Variants in DIAPH3 observed in about 807,000 individuals in gnomAD.
DIAPH3 encodes diaphanous related formin 3.
DIAPH3 carries 117 observed loss-of-function variants against 144.3 expected under a neutral mutation model. The observed-to-expected ratio is 0.81, with a 90% CI of 0.70 to 0.95. The LOEUF is 0.95. Ranked by LOEUF, DIAPH3 falls within the 40% of genes least tolerant of loss-of-function variation. The pLI is 0.00. For missense variants in DIAPH3, 1,421 were observed against 1,412.7 expected, an observed-to-expected ratio of 1.01 and a Z score of -0.09; for synonymous variants, 519 against 488.9, an observed-to-expected ratio of 1.06 and a Z score of -0.81.
intron 27 of DIAPH3, among the ~76,000 whole-genome samples, chr13:59,768,619 T>C (rs908520401): frequency 1.3e-5 from 2 of 152,092 alleles, no homozygotes; most frequent in Non-Finnish European, 2.9e-5. Context: ...TTTTGATATA[T>C]CAACAACAAA....
chr13:59,787,289 C>T (rs139056815), intron 25 of DIAPH3, among the ~76,000 whole-genome samples: 1 of 152,198 alleles, frequency 6.6e-6, no homozygotes, highest in African/African-American at 2.4e-5. Context: ...AAATAAATTC[C>T]AAGTGGATCA....
intron 1 of DIAPH3, among the ~76,000 whole-genome samples, chr13:60,146,707 A>G (rs1951539921): frequency 6.6e-6 from 1 of 152,218 alleles, no homozygotes; most frequent in Non-Finnish European, 1.5e-5. Flanking sequence ...AACAATGCCA[A>G]AGGAGACTTC....
intron 27 of DIAPH3, among the ~76,000 whole-genome samples, chr13:59,767,828 T>A (rs2139235113): frequency 6.6e-6 from 1 of 152,358 alleles, no homozygotes; most frequent in South Asian, 2.1e-4. Flanking sequence ...ACATTTGCTA[T>A]TTCTTGCATA....
chr13:59,837,670 C>T (rs1488803854), intron 23 of DIAPH3: 1 of 150,230 alleles, frequency 6.7e-6, no homozygotes, highest in Non-Finnish European at 1.5e-5. Context: ...AATGATGAAA[C>T]ATATAACTGC....
At chr13:59,987,748 G>T (rs1242020973) in intron 12 of DIAPH3, among the ~76,000 whole-genome samples, 3 of 150,472 alleles carry the variant, frequency 2.0e-5, no homozygotes, top group African/African-American at 4.9e-5. Context: ...TATGAAAAAT[G>T]ATGTCACTCA....
At chr13:59,861,305 C>T in intron 22 of DIAPH3, 102 bp downstream of exon 22, 1 of 1,593,106 alleles carries the variant, frequency 6.3e-7, no homozygotes. Context: ...GGTATGAAAA[C>T]ACTGTGAGAA....
chr13:59,922,737 G>A (rs761637526), intron 18 of DIAPH3, among the ~76,000 whole-genome samples: 22 of 151,816 alleles, frequency 1.4e-4, no homozygotes, highest in Admixed American at 6.6e-4. Flanking sequence ...AATATGACAT[G>A]GTATAAATTC....
intron 20 of DIAPH3, among the ~76,000 whole-genome samples, chr13:59,895,445 A>G (rs964595379): frequency 1.7e-4 from 20 of 115,816 alleles, no homozygotes; most frequent in Non-Finnish European, 3.2e-4. Flanking sequence ...AAAAAAAAAC[A>G]AAAAAAAAAC....
At chr13:59,817,041 TA>T (rs1426604411) in intron 24 of DIAPH3, among the ~76,000 whole-genome samples, 1 of 151,848 alleles carries the variant, frequency 6.6e-6, no homozygotes, top group African/African-American at 2.4e-5. Context: ...TTCATCCTTT[TA>T]ATTTTATTTC....
chr13:60,041,577 T>C (rs745919309), intron 5 of DIAPH3, among the ~76,000 whole-genome samples: 6 of 152,172 alleles, frequency 3.9e-5, no homozygotes, highest in Non-Finnish European at 7.4e-5. Flanking sequence ...CTGCATACTA[T>C]ATCCTAGCCA....
At chr13:59,915,604 G>A (rs558130318) in intron 19 of DIAPH3, among the ~76,000 whole-genome samples, 1 of 151,990 alleles carries the variant, frequency 6.6e-6, no homozygotes, top group South Asian at 2.1e-4. Context: ...CAATAACTTC[G>A]ACATGATGCT....
chr13:59,817,709 T>C (rs1419019767), intron 24 of DIAPH3, among the ~76,000 whole-genome samples: 1 of 151,976 alleles, frequency 6.6e-6, no homozygotes, highest in Non-Finnish European at 1.5e-5. Context: ...CTGATTTTTT[T>C]TGGTGTATCC....
intron 27 of DIAPH3, among the ~76,000 whole-genome samples, chr13:59,740,924 G>A (rs1293261790): frequency 6.6e-6 from 1 of 152,188 alleles, no homozygotes; most frequent in African/African-American, 2.4e-5. Flanking sequence ...AACAGCTCAA[G>A]GAATCTATGC....
intron 17 of DIAPH3, among the ~76,000 whole-genome samples, chr13:59,954,304 G>A (rs186100436): frequency 6.6e-6 from 1 of 152,004 alleles, no homozygotes; most frequent in Admixed American, 6.6e-5. Context: ...CCATCCCTGG[G>A]GTTATTATGC....
intron 20 of DIAPH3, among the ~76,000 whole-genome samples, chr13:59,883,314 C>T (rs1348974885): frequency 6.6e-6 from 1 of 152,150 alleles, no homozygotes; most frequent in African/African-American, 2.4e-5. Context: ...TCATTTTTTA[C>T]ATCAACTTTG....
At chr13:60,028,843 A>C (rs1473529847) in intron 5 of DIAPH3, among the ~76,000 whole-genome samples, 2 of 151,998 alleles carry the variant, frequency 1.3e-5, no homozygotes, top group Non-Finnish European at 2.9e-5. Flanking sequence ...GGCGGATCAC[A>C]AGGTCAGGAG....
At chr13:60,024,166 T>G (rs1319438587) in intron 5 of DIAPH3, among the ~76,000 whole-genome samples, 1 of 152,170 alleles carries the variant, frequency 6.6e-6, no homozygotes, top group Non-Finnish European at 1.5e-5. Context: ...ATTCAGCCAT[T>G]ATTTCTTCAT....
chr13:60,029,496 A>C (rs1035722791), intron 5 of DIAPH3, among the ~76,000 whole-genome samples: 9 of 152,182 alleles, frequency 5.9e-5, no homozygotes, highest in African/African-American at 2.2e-4. Flanking sequence ...TAATGGGATC[A>C]TGGGTGTGGT....
intron 20 of DIAPH3, among the ~76,000 whole-genome samples, chr13:59,895,224 G>A (rs1295838372): frequency 6.6e-6 from 1 of 151,992 alleles, no homozygotes; most frequent in Non-Finnish European, 1.5e-5. Context: ...AAATTATTTG[G>A]TAGTGGTGAT....
Sources: allele counts gnomAD v4.1 joint callset (sites outside exome capture counted in the v4.1 genomes callset), GRCh38; gene constraint gnomAD v4.1.1; transcripts MANE v1.5; gene names NCBI Gene and HGNC (gene_info 2026-07-23, HGNC 2026-07-21).